OSCP1: variants seen among roughly 807,000 people sequenced by gnomAD.
The protein encoded by OSCP1 is organic solute carrier partner 1.
Under a neutral mutation model 45.1 loss-of-function variants are expected in OSCP1, and 35 were observed. The ratio of observed to expected loss-of-function variants is 0.78; its 90% CI spans 0.59 to 1.03. The LOEUF (loss-of-function observed/expected upper bound fraction) is 1.03. Ranked by LOEUF, OSCP1 falls within the 50% of genes least tolerant of loss-of-function variation. The pLI is 0.00. For synonymous variants in OSCP1, 179 were observed against 180.1 expected, an observed-to-expected ratio of 0.99 and a Z score of 0.05; for missense variants, 400 against 470.7, an observed-to-expected ratio of 0.85 and a Z score of 1.39.
At chr1:36,448,443 A>C (rs1649669455) in intron 1 of OSCP1, among the ~76,000 whole-genome samples, 1 of 152,238 alleles carries the variant, frequency 6.6e-6, no homozygotes, top group Non-Finnish European at 1.5e-5. Flanking sequence ...TTTTGTGATC[A>C]CTAATTTATT....
intron 4 of OSCP1, among the ~76,000 whole-genome samples, chr1:36,429,350 T>C (rs1225770682): frequency 6.7e-6 from 1 of 149,544 alleles, no homozygotes. Context: ...TGTGCCACCA[T>C]ACTCCAGTCT....
chr1:36,429,476 T>C (rs576127668), intron 4 of OSCP1, among the ~76,000 whole-genome samples: 1 of 151,160 alleles, frequency 6.6e-6, no homozygotes, highest in South Asian at 2.1e-4. Flanking sequence ...GTTGGTTAAA[T>C]TGTGGCAGGA....
At chr1:36,420,054 C>A (rs1004607849) in intron 8 of OSCP1, among the ~76,000 whole-genome samples, 8 of 150,940 alleles carry the variant, frequency 5.3e-5, no homozygotes, top group African/African-American at 2.0e-4. Context: ...TGGCTCACTG[C>A]AACCTCTGCC....
intron 2 of OSCP1, among the ~76,000 whole-genome samples, chr1:36,437,779 A>G (rs1364177725): frequency 6.6e-6 from 1 of 152,056 alleles, no homozygotes; most frequent in African/African-American, 2.4e-5. Flanking sequence ...TCGGCCTCCC[A>G]GTGCTAGGAT....
intron 4 of OSCP1, among the ~76,000 whole-genome samples, chr1:36,427,127 A>T (rs1322805967): frequency 6.6e-6 from 1 of 151,042 alleles, no homozygotes; most frequent in Admixed American, 6.6e-5. Flanking sequence ...CAGCCTCCCG[A>T]GTAGCTGGGA....
intron 1 of OSCP1, among the ~76,000 whole-genome samples, chr1:36,441,605 A>T (rs928942878): frequency 6.6e-6 from 1 of 151,820 alleles, no homozygotes; most frequent in Non-Finnish European, 1.5e-5. Context: ...ACAAAAAATT[A>T]GCCGGGCGTG....
intron 1 of OSCP1, chr1:36,440,805 T>G (rs1335750510): frequency 6.6e-6 from 1 of 152,174 alleles, no homozygotes; most frequent in African/African-American, 2.4e-5. Context: ...ATGAAGAATT[T>G]TCCACAGACT....
chr1:36,447,024 TGGGAACA>T lies in OSCP1; in HGVS notation c.112+3227_112+3233del, dbSNP rs1282955804. 1.3e-5 allele frequency among the ~76,000 whole-genome samples: 2 copies of T among 152,192 alleles called. No individual in the cohort carries two copies. Among genetic ancestry groups the T allele is most frequent in the East Asian group, 3.9e-4 (2 of 5,194 alleles). ...AGCTGCAACATCTGCCTTGGCCTTG[TGGGAACA>T]GGGATGGCCTCCAGGAGACCAATTA... On this transcript the variant is annotated intron_variant, in intron 1 of 9. Transcript: ENST00000235532. The surrounding 1 kb of genome is among the most constrained non-coding windows in gnomAD (Gnocchi z 4.1).
At chr1:36,427,961 G>C (rs936009758) in intron 4 of OSCP1, among the ~76,000 whole-genome samples, 8 of 152,048 alleles carry the variant, frequency 5.3e-5, no homozygotes, top group African/African-American at 1.7e-4. Context: ...GCCGAGGCGG[G>C]TGGATTGCCT....
intron 1 of OSCP1, among the ~76,000 whole-genome samples, chr1:36,446,153 G>A (rs899446300): frequency 6.6e-6 from 1 of 151,784 alleles, no homozygotes; most frequent in Non-Finnish European, 1.5e-5. Context: ...CTCCTGAGTC[G>A]CTGGGATTAC....
rs563132877 is a variant in OSCP1 at position 36,418,920 on chromosome 1, C to T, written c.1023+71G>A. On this transcript the variant is annotated intron_variant, in intron 9 of 9. Coordinates refer to ENST00000235532, the MANE Select transcript of OSCP1 (RefSeq NM_145047.5). Reference sequence around the variant, plus strand: ...TTCACCTGGGTGACAGAGCGAGACCCTGTCTCAAGAAAAAAAAAAAAAGAT... The same window carrying T: ...TTCACCTGGGTGACAGAGCGAGACCTTGTCTCAAGAAAAAAAAAAAAAGAT... 2.2e-3 allele frequency: 2,763 copies of T among 1,277,078 alleles called. 7 individuals are homozygous for T. Among genetic ancestry groups the T allele is most frequent in the Non-Finnish European group, 2.8e-3 (2,502 of 891,152 alleles). 79.1% of individuals were successfully genotyped at this position (1,277,078 alleles called of 1,614,324 possible). A position where few individuals can be genotyped will look rare whatever the true frequency, so the allele number is the denominator to read the frequency against.
chr1:36,439,598 C>CTAT (rs1648991149), intron 1 of OSCP1, among the ~76,000 whole-genome samples: 3 of 152,068 alleles, frequency 2.0e-5, no homozygotes, highest in Non-Finnish European at 4.4e-5. Context: ...AAAATGGGAC[C>CTAT]AACAATGGTA....
chr1:36,445,216 G>A (rs1010570891), intron 1 of OSCP1, among the ~76,000 whole-genome samples: 4 of 152,164 alleles, frequency 2.6e-5, no homozygotes, highest in African/African-American at 7.2e-5. Flanking sequence ...TGGGTGTGGT[G>A]GTGCACACCT....
At chr1:36,450,211 C>T in intron 1 of OSCP1, 47 bp downstream of exon 1, 4 of 1,500,504 alleles carry the variant, frequency 2.7e-6, no homozygotes, top group South Asian at 1.1e-5. Context: ...ATGAGAGGGC[C>T]GGGCTGCTGG....
At chr1:36,419,740 G>T (rs945121570) in intron 8 of OSCP1, among the ~76,000 whole-genome samples, 2 of 152,098 alleles carry the variant, frequency 1.3e-5, no homozygotes, top group Non-Finnish European at 2.9e-5. Flanking sequence ...TCTTAATCTG[G>T]TCATCCTGGC....
intron 2 of OSCP1, among the ~76,000 whole-genome samples, chr1:36,435,104 T>G (rs1169015955): frequency 6.8e-6 from 1 of 147,890 alleles, no homozygotes; most frequent in African/African-American, 2.5e-5. Flanking sequence ...TTTTTTTTTT[T>G]TTTTTTTGAC....
intron 4 of OSCP1, among the ~76,000 whole-genome samples, chr1:36,427,405 C>G (rs1648043190): frequency 6.7e-6 from 1 of 150,260 alleles, no homozygotes; most frequent in Non-Finnish European, 1.5e-5. Context: ...TCAAGGAATC[C>G]TCCGGCCTTG....
At chr1:36,425,844 G>T (rs1036154316) in intron 4 of OSCP1, among the ~76,000 whole-genome samples, 2 of 152,052 alleles carry the variant, frequency 1.3e-5, no homozygotes, top group African/African-American at 2.4e-5. Flanking sequence ...AGCATAAAAT[G>T]GAGAAAATAA....
intron 1 of OSCP1, among the ~76,000 whole-genome samples, chr1:36,442,298 T>C (rs550430351): frequency 2.4e-4 from 37 of 151,712 alleles, no homozygotes; most frequent in Admixed American, 2.2e-3. Flanking sequence ...AAGTTGGTAA[T>C]TGGGTTCTCA....
Sources: allele counts gnomAD v4.1 joint callset (sites outside exome capture counted in the v4.1 genomes callset), GRCh38; gene constraint gnomAD v4.1.1; non-coding constraint Gnocchi (gnomAD v3.1); transcripts MANE v1.5; gene names NCBI Gene and HGNC (gene_info 2026-07-23, HGNC 2026-07-21).